Variants in GALNT13 observed in about 807,000 individuals in gnomAD.
GALNT13 encodes the protein UDP-GalNAc:polypeptide N-acetylgalactosaminyltransferase 13.
A neutral mutation model predicts 64.2 loss-of-function variants in GALNT13; 28 were observed. The observed-to-expected ratio is 0.44, with a 90% CI of 0.32 to 0.60. The LOEUF (loss-of-function observed/expected upper bound fraction) is 0.60, where lower values mean the gene tolerates loss of function less well. GALNT13 is among the 20% of genes least tolerant of loss of function. The probability of loss-of-function intolerance (pLI) is 0.05; values close to 1 mark genes in which losing one functional copy is unlikely to be tolerated. For missense variants in GALNT13, 577 were observed against 669.8 expected (o/e 0.86, Z 1.53); for synonymous variants, 214 against 224.6 (o/e 0.95, Z 0.42).
the GALNT13 span, among the ~76,000 whole-genome samples, chr2:153,359,877 A>T: frequency 1.3e-5 from 2 of 152,188 alleles, no homozygotes; most frequent in Non-Finnish European, 2.9e-5. Flanking sequence ...AATGAGTCCA[A>T]TTGAAATACG....
At chr2:153,555,130 T>TC in the GALNT13 span, among the ~76,000 whole-genome samples, 4 of 151,226 alleles carry the variant, frequency 2.6e-5, no homozygotes, top group Non-Finnish European at 4.4e-5. Context: ...CTTCATTGTC[T>TC]CCCCCAGTAA....
chr2:153,660,789 A>G, the GALNT13 span, among the ~76,000 whole-genome samples: 1 of 151,976 alleles, frequency 6.6e-6, no homozygotes, highest in East Asian at 1.9e-4. Context: ...GCAGAGAGAA[A>G]AGAGCAAGAG....
intron 2 of GALNT13, among the ~76,000 whole-genome samples, chr2:153,927,806 T>C (rs545653601): frequency 5.3e-5 from 8 of 152,204 alleles, no homozygotes; most frequent in South Asian, 2.1e-4. Flanking sequence ...TTATTAAATA[T>C]GTTTATATAA....
At chr2:153,926,854 T>C (rs1310685544) in intron 2 of GALNT13, among the ~76,000 whole-genome samples, 4 of 152,144 alleles carry the variant, frequency 2.6e-5, no homozygotes, top group African/African-American at 9.7e-5. Flanking sequence ...ATCTTCCTCA[T>C]TATTCAGATA....
chr2:154,168,767 C>T (rs562207832), intron 4 of GALNT13, among the ~76,000 whole-genome samples: 40 of 151,632 alleles, frequency 2.6e-4, no homozygotes, highest in East Asian at 7.8e-4. Flanking sequence ...CACTTGAACC[C>T]GGGAGGTGGA....
chr2:154,070,057 T>C (rs1210242357), intron 3 of GALNT13, among the ~76,000 whole-genome samples: 3 of 152,142 alleles, frequency 2.0e-5, no homozygotes, highest in African/African-American at 7.2e-5. Flanking sequence ...GCAAGTTTTC[T>C]TCTTGAGGAT....
intron 4 of GALNT13, among the ~76,000 whole-genome samples, chr2:154,234,040 C>A (rs1689066720): frequency 6.6e-6 from 1 of 151,960 alleles, no homozygotes; most frequent in Non-Finnish European, 1.5e-5. Context: ...AGAGGCAGGA[C>A]CCTTACTCCA....
At chr2:153,163,577 C>T in the GALNT13 span, among the ~76,000 whole-genome samples, 3 of 151,986 alleles carry the variant, frequency 2.0e-5, no homozygotes, top group Admixed American at 1.3e-4. Flanking sequence ...CAAATGACCC[C>T]GAGATTAACA....
At chr2:154,430,174 A>G (rs567259161) in intron 11 of GALNT13, among the ~76,000 whole-genome samples, 2 of 152,334 alleles carry the variant, frequency 1.3e-5, no homozygotes, top group Admixed American at 1.3e-4. Flanking sequence ...TACGTCTTCT[A>G]AAGTTCTCAC....
chr2:153,927,288 A>G (rs547310974), intron 2 of GALNT13, among the ~76,000 whole-genome samples: 1 of 152,176 alleles, frequency 6.6e-6, no homozygotes, highest in Non-Finnish European at 1.5e-5. Flanking sequence ...TTTGATTTAT[A>G]GTCCTTTAAT....
the GALNT13 span, among the ~76,000 whole-genome samples, chr2:153,517,572 T>C: frequency 6.6e-6 from 1 of 152,084 alleles, no homozygotes. Flanking sequence ...AAAATATTGA[T>C]AGTATTGAAT....
the GALNT13 span, among the ~76,000 whole-genome samples, chr2:153,407,310 C>T: frequency 6.6e-6 from 1 of 152,124 alleles, no homozygotes; most frequent in African/African-American, 2.4e-5. Context: ...ATGTTTAATT[C>T]TAAAGCACTT....
At chr2:154,278,793 T>A (rs1691795245) in intron 8 of GALNT13, among the ~76,000 whole-genome samples, 1 of 152,106 alleles carries the variant, frequency 6.6e-6, no homozygotes, top group African/African-American at 2.4e-5. Context: ...AATTGGATTG[T>A]GAAAACATGT....
At chr2:153,549,061 A>T in the GALNT13 span, among the ~76,000 whole-genome samples, 1 of 152,196 alleles carries the variant, frequency 6.6e-6, no homozygotes, top group Non-Finnish European at 1.5e-5. Context: ...AGAAAAGGGA[A>T]ATCCATAGAG....
intron 3 of GALNT13, among the ~76,000 whole-genome samples, chr2:153,974,051 C>G (rs1693914877): frequency 6.6e-6 from 1 of 151,994 alleles, no homozygotes; most frequent in Admixed American, 6.6e-5. Flanking sequence ...TGACATTGTG[C>G]TTTTTCCTTT....
intron 4 of GALNT13, among the ~76,000 whole-genome samples, chr2:154,176,252 T>TTTA: frequency 7.1e-6 from 1 of 141,206 alleles, no homozygotes; most frequent in East Asian, 2.5e-4. Flanking sequence ...TATTTATTTA[T>TTTA]TTATTTATTT....
the GALNT13 span, among the ~76,000 whole-genome samples, chr2:153,324,239 T>G: frequency 6.6e-6 from 1 of 152,164 alleles, no homozygotes; most frequent in African/African-American, 2.4e-5. Context: ...CCTAGGTATT[T>G]TATTATCTTT....
the GALNT13 span, among the ~76,000 whole-genome samples, chr2:153,133,255 T>C: frequency 1.3e-5 from 2 of 152,068 alleles, no homozygotes; most frequent in South Asian, 4.1e-4. Context: ...ACGAGCTGTT[T>C]TTAATGGAAC....
the GALNT13 span, among the ~76,000 whole-genome samples, chr2:153,742,577 C>G: frequency 6.6e-6 from 1 of 152,098 alleles, no homozygotes; most frequent in African/African-American, 2.4e-5. Flanking sequence ...TGACTCCCCT[C>G]CTATGCTTCC....
Sources: allele counts gnomAD v4.1 joint callset (sites outside exome capture counted in the v4.1 genomes callset), GRCh38; gene constraint gnomAD v4.1.1; transcripts MANE v1.5; gene names NCBI Gene and HGNC (gene_info 2026-07-23, HGNC 2026-07-21).